Variants in SPATA6 observed in about 807,000 individuals in gnomAD.
The protein encoded by SPATA6 is spermatogenesis-associated protein 6.
SPATA6 carries 56 observed loss-of-function variants against 65.3 expected under a neutral mutation model. The ratio of observed to expected loss-of-function variants is 0.86; its 90% CI spans 0.69 to 1.07. The LOEUF (loss-of-function observed/expected upper bound fraction) is 1.07, where lower values mean the gene tolerates loss of function less well. Among genes scored for constraint, SPATA6 ranks in the 50% least tolerant of loss-of-function variants. SPATA6 has a pLI of 0.00. For missense variants in SPATA6, 590 were observed against 594.8 expected, an observed-to-expected ratio of 0.99 and a Z score of 0.08; for synonymous variants, 199 against 213.2, an observed-to-expected ratio of 0.93 and a Z score of 0.58.
chr1:48,281,135 C>A, the SPATA6 span, among the ~76,000 whole-genome samples: 4 of 152,128 alleles, frequency 2.6e-5, no homozygotes, highest in Non-Finnish European at 4.4e-5. Context: ...ATTCAACAAC[C>A]TTTCATGCTA....
chr1:48,329,756 C>T (rs879855853), intron 11 of SPATA6, among the ~76,000 whole-genome samples: 18 of 152,262 alleles, frequency 1.2e-4, no homozygotes, highest in Middle Eastern at 3.4e-3. Context: ...AGTTGGGCAC[C>T]GCCCATCTGA....
At position 48,355,831 on chromosome 1, in the gene SPATA6, C is replaced by G; in HGVS notation, c.1095-62G>C. On this transcript the variant is annotated intron_variant, in intron 10 of 12. Coordinates refer to ENST00000371847, the MANE Select transcript of SPATA6 (RefSeq NM_019073.4). ...AATCAGGTAATGATTCTAAGCTATA[C>G]TATCAAGTTTTCACAGTATGTTCAA... The G allele has an allele frequency of 6.7e-6, 9 of 1,338,946 alleles. No individual in the cohort carries two copies. The South Asian group carries it at 1.1e-4, about 17-fold the overall frequency. 82.9% of individuals were successfully genotyped at this position (1,338,946 alleles called of 1,614,324 possible). A position where few individuals can be genotyped will look rare whatever the true frequency, so the allele number is the denominator to read the frequency against.
chr1:48,273,974 TCC>T, the SPATA6 span, among the ~76,000 whole-genome samples: 1 of 152,214 alleles, frequency 6.6e-6, no homozygotes, highest in East Asian at 1.9e-4. Flanking sequence ...GTAAAAGCAT[TCC>T]TATTTCTCTA....
chr1:48,344,985 T>C (rs1646323391), intron 11 of SPATA6, among the ~76,000 whole-genome samples: 1 of 152,086 alleles, frequency 6.6e-6, no homozygotes, highest in Non-Finnish European at 1.5e-5. Flanking sequence ...TCAACAAAGA[T>C]ATTCAGGACC....
At chr1:48,437,647 G>C (rs1328944555) in intron 3 of SPATA6, among the ~76,000 whole-genome samples, 2 of 152,162 alleles carry the variant, frequency 1.3e-5, no homozygotes, top group South Asian at 2.1e-4. Context: ...CAACAGGCTA[G>C]TTTATCTTAC....
chr1:48,347,530 TTA>T (rs1191657011), intron 11 of SPATA6, among the ~76,000 whole-genome samples: 3 of 146,438 alleles, frequency 2.0e-5, no homozygotes, highest in Non-Finnish European at 4.5e-5. Context: ...ATTAAATTAA[TTA>T]TAGTAATTAA....
At chr1:48,278,919 G>C in the SPATA6 span, among the ~76,000 whole-genome samples, 2 of 152,130 alleles carry the variant, frequency 1.3e-5, no homozygotes, top group African/African-American at 2.4e-5. Flanking sequence ...AAATGTTAAG[G>C]GCAGCCAGAG....
At chr1:48,356,303 G>A (rs1646657900) in intron 10 of SPATA6, among the ~76,000 whole-genome samples, 1 of 151,682 alleles carries the variant, frequency 6.6e-6, no homozygotes, top group Non-Finnish European at 1.5e-5. Flanking sequence ...AGATATGAAA[G>A]AAGAAACAAA....
intron 3 of SPATA6, among the ~76,000 whole-genome samples, chr1:48,443,657 C>T (rs1406414348): frequency 2.0e-5 from 3 of 152,162 alleles, no homozygotes; most frequent in Non-Finnish European, 4.4e-5. Flanking sequence ...ACTAACCAGT[C>T]AGGGATAGTA....
At chr1:48,372,706 G>A (rs527580483) in intron 9 of SPATA6, among the ~76,000 whole-genome samples, 10 of 152,342 alleles carry the variant, frequency 6.6e-5, no homozygotes, top group African/African-American at 1.7e-4. Context: ...ATTTCTGCCT[G>A]GGCATCCAGG....
At chr1:48,267,433 A>T in the SPATA6 span, among the ~76,000 whole-genome samples, 1 of 152,146 alleles carries the variant, frequency 6.6e-6, no homozygotes, top group Admixed American at 6.5e-5. Flanking sequence ...AAATCGAATC[A>T]CACGTGGGCT....
chr1:48,271,560 G>T, the SPATA6 span, among the ~76,000 whole-genome samples: 4 of 151,898 alleles, frequency 2.6e-5, no homozygotes, highest in Non-Finnish European at 5.9e-5. Flanking sequence ...TGCTTTTGCT[G>T]GCCCTTCGAT....
intron 8 of SPATA6, among the ~76,000 whole-genome samples, chr1:48,386,660 T>C (rs1649503167): frequency 6.6e-6 from 1 of 152,184 alleles, no homozygotes; most frequent in Non-Finnish European, 1.5e-5. Context: ...CTCTCAGCTG[T>C]CCACATTATC....
chr1:48,319,204 G>A (rs1359851524), intron 11 of SPATA6, among the ~76,000 whole-genome samples: 1 of 152,072 alleles, frequency 6.6e-6, no homozygotes, highest in Non-Finnish European at 1.5e-5. Context: ...CCTAGACTAA[G>A]CAACAATTTC....
chr1:48,404,912 A>C (rs1184481745), intron 5 of SPATA6, among the ~76,000 whole-genome samples: 1 of 152,210 alleles, frequency 6.6e-6, no homozygotes, highest in East Asian at 1.9e-4. Context: ...ACAATTACGC[A>C]TTCACCAAAA....
chr1:48,429,497 GA>G (rs1256831948), intron 3 of SPATA6, among the ~76,000 whole-genome samples: 11 of 151,922 alleles, frequency 7.2e-5, no homozygotes, highest in Non-Finnish European at 1.6e-4. Flanking sequence ...AAAAACTAGG[GA>G]AACAGGAAAA....
chr1:48,310,764 C>A (rs573894908), intron 11 of SPATA6, among the ~76,000 whole-genome samples: 2 of 152,096 alleles, frequency 1.3e-5, no homozygotes, highest in Admixed American at 6.6e-5. Context: ...ACATTCCACC[C>A]AACGATAGCA....
chr1:48,367,818 T>C (rs1309246848), intron 9 of SPATA6, among the ~76,000 whole-genome samples: 1 of 152,192 alleles, frequency 6.6e-6, no homozygotes, highest in Non-Finnish European at 1.5e-5. Context: ...TATTGTTATG[T>C]GTGAATTTGA....
intron 11 of SPATA6, among the ~76,000 whole-genome samples, chr1:48,311,367 T>A (rs1645202566): frequency 6.6e-6 from 1 of 151,974 alleles, no homozygotes; most frequent in Non-Finnish European, 1.5e-5. Context: ...TTACTAGAGA[T>A]CTTACAGAAA....
Sources: allele counts gnomAD v4.1 joint callset (sites outside exome capture counted in the v4.1 genomes callset), GRCh38; gene constraint gnomAD v4.1.1; transcripts MANE v1.5; gene names NCBI Gene and HGNC (gene_info 2026-07-23, HGNC 2026-07-21).